The following SEPTIN9 variants were observed in gnomAD, a reference collection of about 807,000 sequenced individuals.
SEPTIN9 encodes septin 9, also known as septin-9.
A neutral mutation model predicts 56.6 loss-of-function variants in SEPTIN9; 13 were observed. The observed-to-expected ratio is 0.23, with a 90% CI of 0.15 to 0.37. The LOEUF (loss-of-function observed/expected upper bound fraction) is 0.37. SEPTIN9 is among the 10% of genes least tolerant of loss of function. The pLI is 1.00. For missense variants in SEPTIN9, 650 were observed against 823.1 expected, an observed-to-expected ratio of 0.79 and a Z score of 2.57; for synonymous variants, 332 against 334.1, an observed-to-expected ratio of 0.99 and a Z score of 0.07.
intron 3 of SEPTIN9, among the ~76,000 whole-genome samples, chr17:77,404,396 C>A (rs1055109753): frequency 1.3e-5 from 2 of 152,190 alleles, no homozygotes; most frequent in Non-Finnish European, 2.9e-5. Context: ...AGGTTGCGCG[C>A]CACCATGCCT....
In SEPTIN9 at chr17:77,486,521, T is replaced by TGTGC. The variant is rs757455924; in HGVS notation, c.914-902_914-901insTGCG. Among the ~76,000 whole-genome samples, 1,161 of 120,174 alleles carry TGTGC rather than the reference T, an allele frequency of 9.7e-3. 8 individuals carry two copies. The highest frequency in any genetic ancestry group is 0.04 in the East Asian group (104 of 2,630). The allele number at this position is 120,174 out of a possible 152,430, so 78.8% of individuals were successfully genotyped here. A position where few individuals can be genotyped will look rare whatever the true frequency, so the allele number is the denominator to read the frequency against. On this transcript the variant is annotated intron_variant, in intron 4 of 11. Coordinates refer to ENST00000427177, the MANE Select transcript of SEPTIN9 (RefSeq NM_001113491.2). The stretch of plus-strand genomic sequence containing the variant: ...GTGTGTGTGTGTGTGTGTGTGTGTG[T>TGTGC]GCGCGCACGCGCGCGCGTGTTATAT...
rs543187826 is a variant in SEPTIN9, at chr17:77,372,153, G to A, written c.77-29906G>A. ...GGGGGTGGGGGTGTTGTTCCATGCT[G>A]TGAATTCTCACATGGCCCCTGACTC... is the stretch of plus-strand genomic sequence containing the variant. On this transcript the variant is annotated intron_variant, in intron 2 of 11. Coordinates refer to ENST00000427177, the MANE Select transcript of SEPTIN9 (RefSeq NM_001113491.2). 4.6e-5 allele frequency among the ~76,000 whole-genome samples: 7 copies of A among 152,338 alleles called. No homozygotes were observed. In the South Asian group the frequency reaches 1.2e-3, roughly 27 times the overall value.
At chr17:77,355,435 T>C (rs2034197305) in intron 2 of SEPTIN9, among the ~76,000 whole-genome samples, 1 of 152,206 alleles carries the variant, frequency 6.6e-6, no homozygotes, top group Non-Finnish European at 1.5e-5. Context: ...TGCCAGCCCA[T>C]GGGAGGCTGT....
At position 77,486,979 on chromosome 17, in the gene SEPTIN9, G is replaced by A. The variant is rs558820983; in HGVS notation, c.914-445G>A. ...CTGGCCGGTCAGGGAGGAGCAGTTT[G>A]AACACCTGGGCTTTGGTTGCAACCA... On this transcript the variant is annotated intron_variant, in intron 4 of 11. Transcript: ENST00000427177. Among the ~76,000 whole-genome samples, 5 of 152,330 alleles carry A rather than the reference G, an allele frequency of 3.3e-5. No individual in the cohort carries two copies. In the South Asian group the frequency reaches 1.0e-3, roughly 32 times the overall value.
At chr17:77,426,668 G>A (rs2036924812) in intron 3 of SEPTIN9, among the ~76,000 whole-genome samples, 1 of 152,276 alleles carries the variant, frequency 6.6e-6, no homozygotes, top group Admixed American at 6.5e-5. Context: ...TTGCTGAAGC[G>A]CTGCCATCTT....
intron 2 of SEPTIN9, among the ~76,000 whole-genome samples, chr17:77,399,277 G>A (rs541039266): frequency 2.0e-5 from 3 of 152,322 alleles, no homozygotes; most frequent in South Asian, 2.1e-4. Context: ...GGGGTTCACC[G>A]GATCTCCCAG....
chr17:77,312,960 A>G (rs761469127), intron 2 of SEPTIN9, among the ~76,000 whole-genome samples: 2 of 152,244 alleles, frequency 1.3e-5, no homozygotes, highest in Admixed American at 1.3e-4. Flanking sequence ...CAGATACAGA[A>G]CATTGACATC....
At chr17:77,390,240 G>T (rs1200556582) in intron 2 of SEPTIN9, among the ~76,000 whole-genome samples, 1 of 151,000 alleles carries the variant, frequency 6.6e-6, no homozygotes, top group Non-Finnish European at 1.5e-5. Context: ...CCAGCTACTC[G>T]GGAGGCGGAG....
intron 2 of SEPTIN9, among the ~76,000 whole-genome samples, chr17:77,355,930 C>T (rs1048313390): frequency 3.4e-5 from 5 of 146,882 alleles, no homozygotes; most frequent in Admixed American, 2.1e-4. Context: ...TGCAGTGAGC[C>T]GAGATCGCGT....
Position 77,290,436 on chromosome 17 carries a change from T to C in SEPTIN9, c.19+8882T>C, listed in dbSNP as rs988702256. On this transcript the variant is annotated intron_variant, in intron 1 of 11. Transcript: ENST00000427177. ...CCACGCCCGGCTAATTTTTTGTATT[T>C]TTTTAGTAGAGGCGGGGTTTCACCA... Among the ~76,000 whole-genome samples the C allele has an allele frequency of 4.6e-5, 7 of 151,836 alleles. No individual in the cohort carries two copies. In the East Asian group the frequency reaches 1.4e-3, roughly 30 times the overall value.
chr17:77,488,811 C>G lies in SEPTIN9; in HGVS notation c.1209C>G (p.Ile403Met). ...EEVNINRKKR[I>M]PDTRVHCCLY... ...TCAACATCAACCGCAAGAAGCGCAT[C>G]CCGGACACCCGCGTCCACTGCTGCC... is the stretch of plus-strand genomic sequence containing the variant. Residue 403 changes from isoleucine (I) to methionine (M), a missense_variant, in exon 7 of 12, where the codon ATC (isoleucine) becomes ATG (methionine). This residue lies in a region of SEPTIN9 where 333 missense variants were observed against 494.0 expected (regional missense o/e 0.67). Transcript: ENST00000427177. 2 of 1,613,764 alleles carry G rather than the reference C, an allele frequency of 1.2e-6. No homozygotes were observed. The highest frequency in any genetic ancestry group is 1.7e-6 in the Non-Finnish European group (2 of 1,179,856).
Position 77,323,268 on chromosome 17 carries a change from C to G in SEPTIN9, c.76+16071C>G, listed in dbSNP as rs527629294. Among the ~76,000 whole-genome samples the G allele has an allele frequency of 6.6e-5, 10 of 152,254 alleles. No homozygotes were observed. In the South Asian group the frequency reaches 2.1e-3, roughly 32 times the overall value. On this transcript the variant is annotated intron_variant, in intron 2 of 11. Coordinates refer to ENST00000427177, the MANE Select transcript of SEPTIN9 (RefSeq NM_001113491.2). The surrounding 1 kb of genome is among the most constrained non-coding windows in gnomAD (Gnocchi z 6.8). ...TGAGTCATGGAGTGGTGACTGGCCG[C>G]TGAGGCATGGAAGGCCACTCCTTCC...
intron 2 of SEPTIN9, among the ~76,000 whole-genome samples, chr17:77,314,447 G>C (rs1423872718): frequency 6.7e-6 from 1 of 149,356 alleles, no homozygotes; most frequent in Non-Finnish European, 1.5e-5. Flanking sequence ...GCCTCCCAAA[G>C]TGTTGGAATT....
chr17:77,364,482 C>T (rs747478007), intron 2 of SEPTIN9, among the ~76,000 whole-genome samples: 2 of 152,252 alleles, frequency 1.3e-5, no homozygotes, highest in African/African-American at 2.4e-5. Flanking sequence ...GGTGCCTTTG[C>T]ACTGGAGCCT....
At chr17:77,345,448 A>T (rs1197071357) in intron 2 of SEPTIN9, among the ~76,000 whole-genome samples, 1 of 152,164 alleles carries the variant, frequency 6.6e-6, no homozygotes, top group East Asian at 1.9e-4. Flanking sequence ...CTTGTTGGAG[A>T]GTGTGTGACT....
At chr17:77,420,443 CAG>C (rs773457987) in intron 3 of SEPTIN9, among the ~76,000 whole-genome samples, 17 of 152,308 alleles carry the variant, frequency 1.1e-4, no homozygotes, top group Admixed American at 5.2e-4. Context: ...CCCTGTGAAA[CAG>C]AGATACCTGG....
At chr17:77,468,264 CAAAAA>C (rs1555674738) in intron 3 of SEPTIN9, among the ~76,000 whole-genome samples, 1 of 149,092 alleles carries the variant, frequency 6.7e-6, no homozygotes, top group African/African-American at 2.5e-5. Flanking sequence ...GACTCCATCT[CAAAAA>C]AAACAAAACA....
chr17:77,444,595 C>G (rs1479944623), intron 3 of SEPTIN9: 1 of 154,824 alleles, frequency 6.5e-6, no homozygotes, highest in Non-Finnish European at 1.4e-5. Context: ...GAGGTGTGGT[C>G]ACTCCAGGAG....
At chr17:77,366,069 C>T (rs1327359116) in intron 2 of SEPTIN9, among the ~76,000 whole-genome samples, 1 of 152,146 alleles carries the variant, frequency 6.6e-6, no homozygotes, top group Non-Finnish European at 1.5e-5. Context: ...TGAGTTCTAG[C>T]CAAGCCTCCT....
Sources: allele counts gnomAD v4.1 joint callset (sites outside exome capture counted in the v4.1 genomes callset), GRCh38; gene constraint gnomAD v4.1.1; regional missense constraint gnomAD v4.1.1; non-coding constraint Gnocchi (gnomAD v3.1); transcripts MANE v1.5; gene names NCBI Gene and HGNC (gene_info 2026-07-23, HGNC 2026-07-21).